The following RBFOX1 variants were observed in gnomAD, a reference collection of about 807,000 sequenced individuals.
RBFOX1 encodes the protein RNA binding protein fox-1 homolog 1.
A neutral mutation model predicts 57.7 loss-of-function variants in RBFOX1; 8 were observed. The observed-to-expected ratio is 0.14, with a 90% CI of 0.08 to 0.25. The LOEUF is 0.25. RBFOX1 is among the 10% of genes least tolerant of loss of function. The probability of loss-of-function intolerance (pLI) is 1.00; values close to 1 mark genes in which losing one functional copy is unlikely to be tolerated. For synonymous variants in RBFOX1, 326 were observed against 222.4 expected, an observed-to-expected ratio of 1.47 and a Z score of -4.15; for missense variants, 611 against 548.5, an observed-to-expected ratio of 1.11 and a Z score of -1.14.
At chr16:7,517,289 C>G (rs973669975) in intron 4 of RBFOX1, among the ~76,000 whole-genome samples, 2 of 151,526 alleles carry the variant, frequency 1.3e-5, no homozygotes, top group African/African-American at 2.4e-5. Context: ...TAAAATTCTT[C>G]TGAGTTGGCT....
At chr16:7,041,098 T>C (rs938467979) in intron 3 of RBFOX1, among the ~76,000 whole-genome samples, 2 of 148,132 alleles carry the variant, frequency 1.4e-5, no homozygotes, top group East Asian at 3.9e-4. Flanking sequence ...TTTTTTTTTT[T>C]TTTTTTTTTG....
At chr16:6,166,459 A>T (rs1458913458) in intron 1 of RBFOX1, among the ~76,000 whole-genome samples, 4 of 151,200 alleles carry the variant, frequency 2.6e-5, no homozygotes, top group Non-Finnish European at 5.9e-5. Flanking sequence ...TTTCTCTCTG[A>T]CTCTCTATTT....
At chr16:7,034,841 C>CTTTTTTCTTTTCTTTTTTT (rs2043872771) in intron 3 of RBFOX1, among the ~76,000 whole-genome samples, 1 of 39,166 alleles carries the variant, frequency 2.6e-5, no homozygotes, top group Non-Finnish European at 4.4e-5. Flanking sequence ...TTTTTTTTTT[C>CTTTTTTCTTTTCTTTTTTT]TTTTTTCTTT....
rs146151520 is a variant in RBFOX1, at chr16:7,652,564, C to T, written c.758-1251C>T. On this transcript the variant is annotated intron_variant, in intron 11 of 15. Coordinates refer to ENST00000550418, the MANE Select transcript of RBFOX1 (RefSeq NM_018723.4). Reference sequence around the variant, plus strand: ...CGGGAATTATAGGCATGCGCCACCACGCCTGACCAATTTTTGTATTTTTAG... The same window carrying T: ...CGGGAATTATAGGCATGCGCCACCATGCCTGACCAATTTTTGTATTTTTAG... Among the ~76,000 whole-genome samples, 746 of 152,294 alleles carry T rather than the reference C, an allele frequency of 4.9e-3. 6 individuals are homozygous for T. Among genetic ancestry groups the T allele is most frequent in the African/African-American group, 0.017 (701 of 41,562 alleles).
At chr16:7,683,490 G>A (rs142409611) in intron 14 of RBFOX1, among the ~76,000 whole-genome samples, 5 of 152,132 alleles carry the variant, frequency 3.3e-5, no homozygotes, top group African/African-American at 9.6e-5. Context: ...AACCAATCCT[G>A]TAACAGTCAA....
At chr16:6,861,699 C>G (rs1247175473) in intron 3 of RBFOX1, among the ~76,000 whole-genome samples, 1 of 151,792 alleles carries the variant, frequency 6.6e-6, no homozygotes. Flanking sequence ...AGGTCAAATT[C>G]GTTTTGGAAG....
At chr16:6,611,849 G>T (rs539837807) in intron 2 of RBFOX1, among the ~76,000 whole-genome samples, 17 of 152,152 alleles carry the variant, frequency 1.1e-4, no homozygotes, top group Admixed American at 2.0e-4. Context: ...CTCCCGCTGG[G>T]CAGTGTCCAC....
At chr16:6,736,198 A>C (rs562750571) in intron 3 of RBFOX1, among the ~76,000 whole-genome samples, 1 of 151,998 alleles carries the variant, frequency 6.6e-6, no homozygotes, top group African/African-American at 2.4e-5. Context: ...ATTTTTCCAT[A>C]AGTTATTGGG....
At chr16:7,343,953 C>T (rs1056006448) in intron 4 of RBFOX1, among the ~76,000 whole-genome samples, 14 of 152,214 alleles carry the variant, frequency 9.2e-5, no homozygotes, top group South Asian at 2.1e-4. Flanking sequence ...TATTTCCAAG[C>T]GTAAAGCAAT....
intron 4 of RBFOX1, among the ~76,000 whole-genome samples, chr16:7,314,328 A>G (rs1182748427): frequency 6.6e-6 from 1 of 152,188 alleles, no homozygotes; most frequent in East Asian, 1.9e-4. Context: ...GGTCGTGTTC[A>G]TAACGGAATT....
intron 4 of RBFOX1, among the ~76,000 whole-genome samples, chr16:7,442,454 G>A (rs146455453): frequency 2.6e-5 from 4 of 152,248 alleles, no homozygotes; most frequent in African/African-American, 9.6e-5. Flanking sequence ...AAAATTATTA[G>A]AAGCCCTGTG....
intron 4 of RBFOX1, among the ~76,000 whole-genome samples, chr16:7,343,969 C>G (rs570279477): frequency 3.9e-5 from 6 of 152,224 alleles, no homozygotes; most frequent in African/African-American, 1.4e-4. Context: ...GCAATACCAC[C>G]ACAACCAACA....
At chr16:7,034,660 C>T (rs1401442786) in intron 3 of RBFOX1, among the ~76,000 whole-genome samples, 3 of 151,332 alleles carry the variant, frequency 2.0e-5, no homozygotes, top group African/African-American at 7.3e-5. Flanking sequence ...AGCAGAGGGC[C>T]CTCTTTATTG....
intron 1 of RBFOX1, among the ~76,000 whole-genome samples, chr16:6,300,497 C>A (rs555220233): frequency 6.6e-5 from 10 of 152,270 alleles, no homozygotes; most frequent in Admixed American, 6.5e-4. Context: ...ACCTACCTCA[C>A]AAAGTTATTA....
chr16:7,051,449 C>A lies in RBFOX1; in HGVS notation c.-15-608C>A, dbSNP rs562028116. ...ATGCATGGCATATGTATTGCTAATA[C>A]CCACTTTCCTATCTGATGGCCGATA... On this transcript the variant is annotated intron_variant, in intron 3 of 15. Coordinates refer to ENST00000550418, the MANE Select transcript of RBFOX1 (RefSeq NM_018723.4). Among the ~76,000 whole-genome samples the A allele has an allele frequency of 4.5e-4, 69 of 152,326 alleles. 1 individual carries two copies. The South Asian group carries it at 0.013, about 29-fold the overall frequency.
At chr16:5,473,525 C>T (rs62016431) in intron 2 of RBFOX1, among the ~76,000 whole-genome samples, 3 of 151,706 alleles carry the variant, frequency 2.0e-5, no homozygotes, top group Admixed American at 6.6e-5. Context: ...AGATAATGCA[C>T]GTTGCATGGG....
At chr16:5,277,528 A>T (rs2063171093) in intron 1 of RBFOX1, among the ~76,000 whole-genome samples, 1 of 152,168 alleles carries the variant, frequency 6.6e-6, no homozygotes, top group African/African-American at 2.4e-5. Flanking sequence ...CTTCTATTGT[A>T]TATTTTTACA....
chr16:6,863,761 C>T (rs1201411223), intron 3 of RBFOX1, among the ~76,000 whole-genome samples: 1 of 62,682 alleles, frequency 1.6e-5, no homozygotes, highest in Non-Finnish European at 2.9e-5. Flanking sequence ...TTACCAAAAC[C>T]AAATACAACC....
At chr16:6,853,558 G>C (rs929147015) in intron 3 of RBFOX1, among the ~76,000 whole-genome samples, 7 of 152,098 alleles carry the variant, frequency 4.6e-5, no homozygotes, top group Non-Finnish European at 7.4e-5. Flanking sequence ...TGGGTTATGA[G>C]TGATTGAGGG....
Sources: gnomAD v4.1 joint callset for allele counts (sites outside exome capture counted in the v4.1 genomes callset) on GRCh38, gnomAD v4.1.1 for gene constraint, MANE v1.5 for transcripts, NCBI Gene and HGNC (gene_info 2026-07-23, HGNC 2026-07-21) for gene names.